The following RALYL variants were observed in gnomAD, a reference collection of about 807,000 sequenced individuals.
RALYL encodes RALY RNA binding protein like, also known as RNA-binding Raly-like protein.
Under a neutral mutation model 35.1 loss-of-function variants are expected in RALYL, and 29 were observed. That is an observed-to-expected ratio of 0.83 (90% CI 0.61 to 1.13). The LOEUF is 1.13. RALYL is among the 50% of genes most tolerant of loss of function. The probability of loss-of-function intolerance (pLI) is 0.00; values close to 1 mark genes in which losing one functional copy is unlikely to be tolerated. For synonymous variants in RALYL, 120 were observed against 127.6 expected (o/e 0.94, Z 0.40); for missense variants, 359 against 360.4 (o/e 1.00, Z 0.03).
intron 2 of RALYL, among the ~76,000 whole-genome samples, chr8:84,585,815 A>G (rs1051233552): frequency 6.6e-6 from 1 of 152,132 alleles, no homozygotes; most frequent in Admixed American, 6.6e-5. Flanking sequence ...TGAAACATAC[A>G]CACAAGTAAA....
intron 1 of RALYL, among the ~76,000 whole-genome samples, chr8:84,332,046 C>T (rs777158926): frequency 3.3e-5 from 5 of 152,068 alleles, no homozygotes; most frequent in Non-Finnish European, 5.9e-5. Context: ...TTTGTGGTCC[C>T]GAATCCTCTT....
chr8:84,710,265 T>G (rs1324268247), intron 2 of RALYL, among the ~76,000 whole-genome samples: 2 of 152,086 alleles, frequency 1.3e-5, no homozygotes, highest in Admixed American at 1.3e-4. Flanking sequence ...GCTCTTTCCC[T>G]TCTATCTTTT....
At chr8:84,692,028 A>G (rs185680627) in intron 2 of RALYL, among the ~76,000 whole-genome samples, 1 of 152,158 alleles carries the variant, frequency 6.6e-6, no homozygotes, top group East Asian at 1.9e-4. Context: ...TCAATATCCA[A>G]TCATGATTTT....
At chr8:84,371,453 G>A (rs1855670017) in intron 1 of RALYL, among the ~76,000 whole-genome samples, 1 of 151,796 alleles carries the variant, frequency 6.6e-6, no homozygotes, top group South Asian at 2.1e-4. Flanking sequence ...CCTTATGATT[G>A]TGAGAGTAAC....
chr8:84,900,027 C>T (rs1297189803), intron 8 of RALYL, among the ~76,000 whole-genome samples: 3 of 152,102 alleles, frequency 2.0e-5, no homozygotes, highest in African/African-American at 7.2e-5. Context: ...AGCTTTAGTT[C>T]TAAGGATTTT....
At chr8:84,576,100 T>C (rs1809357587) in intron 2 of RALYL, among the ~76,000 whole-genome samples, 1 of 152,158 alleles carries the variant, frequency 6.6e-6, no homozygotes, top group Admixed American at 6.5e-5. Flanking sequence ...GAGTGTCACA[T>C]ATTTGACCAC....
intron 2 of RALYL, among the ~76,000 whole-genome samples, chr8:84,680,181 C>A (rs1310803971): frequency 9.9e-5 from 15 of 152,160 alleles, no homozygotes; most frequent in Non-Finnish European, 2.1e-4. Context: ...GTCATGAACT[C>A]ATCTTTTTTA....
At chr8:84,278,571 T>C (rs1055629076) in intron 1 of RALYL, among the ~76,000 whole-genome samples, 9 of 152,198 alleles carry the variant, frequency 5.9e-5, no homozygotes, top group Admixed American at 4.6e-4. Flanking sequence ...ATTCCATGCC[T>C]TGCTTTCTCT....
rs189601869 is a variant in RALYL at position 84,813,970 on chromosome 8, A to G, written c.365+9168A>G. On this transcript the variant is annotated intron_variant, in intron 4 of 8. Coordinates refer to ENST00000521268, the MANE Select transcript of RALYL (RefSeq NM_173848.7). ...TGTGCCTAAGTGTTCTCATTGTTCA[A>G]TTCCCACCTATGAGTGAGAACATGC... Among the ~76,000 whole-genome samples, 584 of 141,070 alleles carry G rather than the reference A, an allele frequency of 4.1e-3. 1 individual carries two copies. Among genetic ancestry groups the G allele is most frequent in the Non-Finnish European group, 4.4e-3 (296 of 66,564 alleles). 92.5% of individuals were successfully genotyped at this position (141,070 alleles called of 152,430 possible). A position where few individuals can be genotyped will look rare whatever the true frequency, so the allele number is the denominator to read the frequency against.
At chr8:84,209,560 T>C (rs1818946658) in intron 1 of RALYL, among the ~76,000 whole-genome samples, 1 of 152,312 alleles carries the variant, frequency 6.6e-6, no homozygotes, top group East Asian at 1.9e-4. Flanking sequence ...GGCTTCTTTT[T>C]TGTAACTCAG....
intron 3 of RALYL, among the ~76,000 whole-genome samples, chr8:84,786,785 T>C (rs1019903494): frequency 6.6e-6 from 1 of 152,204 alleles, no homozygotes; most frequent in Non-Finnish European, 1.5e-5. Context: ...AAGTTGTCTG[T>C]TCACTCTGAT....
intron 1 of RALYL, among the ~76,000 whole-genome samples, chr8:84,320,381 T>C (rs899585562): frequency 1.3e-5 from 2 of 151,996 alleles, no homozygotes; most frequent in Non-Finnish European, 2.9e-5. Flanking sequence ...TTTCTCACTA[T>C]ATATCTATAC....
At chr8:84,434,727 C>T (rs1417723482) in intron 1 of RALYL, among the ~76,000 whole-genome samples, 1 of 152,088 alleles carries the variant, frequency 6.6e-6, no homozygotes, top group African/African-American at 2.4e-5. Flanking sequence ...TGACTTCAGC[C>T]TCGACTACCT....
intron 1 of RALYL, among the ~76,000 whole-genome samples, chr8:84,470,000 G>C (rs532865203): frequency 6.6e-6 from 1 of 152,086 alleles, no homozygotes; most frequent in Non-Finnish European, 1.5e-5. Context: ...GCTTCGGCTC[G>C]CGCACGGTGC....
intron 2 of RALYL, among the ~76,000 whole-genome samples, chr8:84,653,223 G>T (rs750559018): frequency 6.6e-6 from 1 of 151,964 alleles, no homozygotes; most frequent in Non-Finnish European, 1.5e-5. Flanking sequence ...TAAATTATAT[G>T]CCACTTTTTA....
At chr8:84,299,702 G>C (rs1428022788) in intron 1 of RALYL, among the ~76,000 whole-genome samples, 1 of 151,990 alleles carries the variant, frequency 6.6e-6, no homozygotes, top group Non-Finnish European at 1.5e-5. Flanking sequence ...TTGGGAGTTT[G>C]TATATTGCCA....
chr8:84,566,836 C>A (rs980639605), intron 2 of RALYL, among the ~76,000 whole-genome samples: 2 of 151,462 alleles, frequency 1.3e-5, no homozygotes, highest in African/African-American at 4.8e-5. Context: ...GAAACTTGGC[C>A]CCAATTTTCC....
At chr8:84,474,489 T>A (rs905267992) in intron 1 of RALYL, among the ~76,000 whole-genome samples, 1 of 152,200 alleles carries the variant, frequency 6.6e-6, no homozygotes, top group African/African-American at 2.4e-5. Context: ...CAAGTGCAAG[T>A]TTCTGAGAAA....
intron 1 of RALYL, among the ~76,000 whole-genome samples, chr8:84,443,024 C>T (rs547958410): frequency 2.0e-5 from 3 of 152,186 alleles, no homozygotes; most frequent in Admixed American, 6.5e-5. Context: ...CTAAATATGT[C>T]AATGTTTGCA....
Sources: allele counts gnomAD v4.1 joint callset (sites outside exome capture counted in the v4.1 genomes callset), GRCh38; gene constraint gnomAD v4.1.1; transcripts MANE v1.5; gene names NCBI Gene and HGNC (gene_info 2026-07-23, HGNC 2026-07-21).